The following SORCS1 variants were observed in gnomAD, a reference collection of about 807,000 sequenced individuals.
SORCS1 encodes sortilin related VPS10 domain containing receptor 1, also known as VPS10 domain-containing receptor SorCS1.
SORCS1 carries 60 observed loss-of-function variants against 146.1 expected under a neutral mutation model. That is an observed-to-expected ratio of 0.41 (90% CI 0.33 to 0.51). SORCS1 has a LOEUF of 0.51. SORCS1 is among the 20% of genes least tolerant of loss of function. The pLI is 0.21. For missense variants in SORCS1, 1,352 were observed against 1,487.6 expected (o/e 0.91, Z 1.50); for synonymous variants, 637 against 584.0 (o/e 1.09, Z -1.31).
At chr10:107,096,984 CTTCAATT>C (rs1163058655) in intron 1 of SORCS1, among the ~76,000 whole-genome samples, 1 of 152,212 alleles carries the variant, frequency 6.6e-6, no homozygotes, top group Non-Finnish European at 1.5e-5. Context: ...AATCTTCAAT[CTTCAATT>C]GTTTTGAACA....
chr10:106,852,345 C>T (rs2137298771), intron 2 of SORCS1, among the ~76,000 whole-genome samples: 1 of 152,112 alleles, frequency 6.6e-6, no homozygotes, highest in Middle Eastern at 3.4e-3. Flanking sequence ...AGAAAGTTTC[C>T]TCGGCTGGGT....
intron 6 of SORCS1, among the ~76,000 whole-genome samples, chr10:106,721,372 C>G (rs1481814204): frequency 6.6e-6 from 1 of 152,092 alleles, no homozygotes; most frequent in Non-Finnish European, 1.5e-5. Flanking sequence ...GGGTAGCAAT[C>G]TGATATTTTT....
chr10:106,990,780 TTG>T (rs1956734463), intron 1 of SORCS1, among the ~76,000 whole-genome samples: 2 of 152,194 alleles, frequency 1.3e-5, no homozygotes, highest in South Asian at 4.1e-4. Context: ...TTCTGAAAAA[TTG>T]TGAGTACACT....
intron 3 of SORCS1, among the ~76,000 whole-genome samples, chr10:106,805,810 G>C (rs560080433): frequency 3.0e-4 from 46 of 152,210 alleles, no homozygotes; most frequent in African/African-American, 1.1e-3. Context: ...TGTAATCCCA[G>C]CACTCTGGGA....
intron 10 of SORCS1, 50 bp from the exon 11 acceptor site, chr10:106,679,784 A>T: frequency 7.1e-7 from 1 of 1,402,858 alleles, no homozygotes. Context: ...CAAAATGGTC[A>T]TTTGAAGCTC....
At chr10:106,973,971 A>C (rs556688408) in intron 1 of SORCS1, among the ~76,000 whole-genome samples, 1 of 152,328 alleles carries the variant, frequency 6.6e-6, no homozygotes, top group South Asian at 2.1e-4. Context: ...GTCCTTGCAA[A>C]ACAGGAATTT....
chr10:107,091,159 A>C (rs1302306723), intron 1 of SORCS1, among the ~76,000 whole-genome samples: 1 of 152,248 alleles, frequency 6.6e-6, no homozygotes, highest in Non-Finnish European at 1.5e-5. Context: ...CACAAATCTC[A>C]TCACGCAGCT....
chr10:107,039,065 C>CA, intron 1 of SORCS1, among the ~76,000 whole-genome samples: 1 of 152,216 alleles, frequency 6.6e-6, no homozygotes, highest in South Asian at 2.1e-4. Context: ...AAAAAGAAAT[C>CA]ACGCCTGTAA....
chr10:107,053,282 G>A (rs1960296239), intron 1 of SORCS1, among the ~76,000 whole-genome samples: 1 of 152,110 alleles, frequency 6.6e-6, no homozygotes, highest in Admixed American at 6.6e-5. Flanking sequence ...TACCTCCGGG[G>A]AAATCCACTT....
chr10:106,679,117 T>C lies in SORCS1; in HGVS notation c.1740+139A>G, dbSNP rs572667070. On this transcript the variant is annotated intron_variant, in intron 12 of 25. Transcript: ENST00000263054. ...CACTCCAACATTTAAGACTTTTATA[T>C]AAAAAGGAAAAATAAACATATTCAC... The C allele has an allele frequency of 1.2e-5, 7 of 577,152 alleles. No homozygotes were observed. In the East Asian group the frequency reaches 1.9e-4, roughly 16 times the overall value. The allele number at this position is 577,152 out of a possible 1,614,324, so 35.8% of individuals were successfully genotyped here.
At chr10:107,110,881 C>G (rs1965649657) in intron 1 of SORCS1, among the ~76,000 whole-genome samples, 1 of 152,120 alleles carries the variant, frequency 6.6e-6, no homozygotes, top group Non-Finnish European at 1.5e-5. Context: ...ATCCCAGTGC[C>G]AGCCCTACTG....
chr10:107,069,461 CG>C (rs1962229305), intron 1 of SORCS1, among the ~76,000 whole-genome samples: 1 of 151,980 alleles, frequency 6.6e-6, no homozygotes, highest in South Asian at 2.1e-4. Flanking sequence ...CTGCAACCTT[CG>C]CCTCCCAGGT....
intron 1 of SORCS1, among the ~76,000 whole-genome samples, chr10:107,153,493 A>G (rs976926092): frequency 6.6e-6 from 1 of 152,236 alleles, no homozygotes; most frequent in African/African-American, 2.4e-5. Context: ...TGGGATATAT[A>G]GTCAGGTTGG....
intron 2 of SORCS1, among the ~76,000 whole-genome samples, chr10:106,928,888 C>A (rs1953234880): frequency 6.9e-6 from 1 of 144,344 alleles, no homozygotes. Context: ...TGTATTTTTC[C>A]ATTTTTTAGT....
intron 2 of SORCS1, among the ~76,000 whole-genome samples, chr10:106,914,485 T>C (rs537934333): frequency 6.6e-6 from 1 of 152,286 alleles, no homozygotes; most frequent in South Asian, 2.1e-4. Context: ...AATAATACTG[T>C]ATGTCACTCC....
chr10:106,820,375 G>A (rs909883070), intron 3 of SORCS1, among the ~76,000 whole-genome samples: 1 of 152,178 alleles, frequency 6.6e-6, no homozygotes, highest in East Asian at 1.9e-4. Context: ...GACTTGAAAG[G>A]TTGTAAAACA....
intron 1 of SORCS1, among the ~76,000 whole-genome samples, chr10:106,963,158 C>T (rs1451029474): frequency 2.6e-5 from 3 of 113,208 alleles, no homozygotes; most frequent in Non-Finnish European, 5.2e-5. Context: ...CTCTGTCGCC[C>T]AGGCTGGAGT....
chr10:107,177,959 A>G, the SORCS1 span, among the ~76,000 whole-genome samples: 1 of 152,116 alleles, frequency 6.6e-6, no homozygotes, highest in Non-Finnish European at 1.5e-5. Context: ...ATGAGAACAC[A>G]TGGACACATG....
At chr10:107,173,751 T>G in the SORCS1 span, among the ~76,000 whole-genome samples, 1 of 152,198 alleles carries the variant, frequency 6.6e-6, no homozygotes, top group Non-Finnish European at 1.5e-5. Flanking sequence ...GTTCATGTTG[T>G]AGTATATGGA....
Sources: allele counts gnomAD v4.1 joint callset (sites outside exome capture counted in the v4.1 genomes callset), GRCh38; gene constraint gnomAD v4.1.1; transcripts MANE v1.5; gene names NCBI Gene and HGNC (gene_info 2026-07-23, HGNC 2026-07-21).